NCOA4: variants seen among roughly 807,000 people sequenced by gnomAD.
The protein encoded by NCOA4 is nuclear receptor coactivator 4.
In NCOA4, 31 loss-of-function variants were observed where a neutral mutation model predicts 69.5. The ratio of observed to expected loss-of-function variants is 0.45; its 90% CI spans 0.34 to 0.60. The LOEUF is 0.60. Among genes scored for constraint, NCOA4 ranks in the 20% least tolerant of loss-of-function variants. The pLI, the probability that NCOA4 is intolerant of heterozygous loss-of-function variation, is 0.02. For missense variants in NCOA4, 600 were observed against 719.2 expected (o/e 0.83, Z 1.90); for synonymous variants, 228 against 252.4 (o/e 0.90, Z 0.92).
intron 1 of NCOA4, among the ~76,000 whole-genome samples, chr10:46,030,073 G>A (rs1426528698): frequency 6.6e-6 from 1 of 152,190 alleles, no homozygotes; most frequent in African/African-American, 2.4e-5. Flanking sequence ...ATTATGTTCT[G>A]TGCCCGTCCG....
intron 1 of NCOA4, among the ~76,000 whole-genome samples, chr10:46,028,874 T>C (rs1699207149): frequency 6.6e-6 from 1 of 152,026 alleles, no homozygotes; most frequent in South Asian, 2.1e-4. Context: ...GCAGCAGCAA[T>C]GACTGGCTCT....
At chr10:46,011,305 T>C in intron 7 of NCOA4, 99 bp from the exon 8 acceptor site, 2 of 1,258,132 alleles carry the variant, frequency 1.6e-6, no homozygotes, top group Non-Finnish European at 2.2e-6. Flanking sequence ...TCTCACTCTG[T>C]CGCCCAGGCT....
Position 46,006,052 on chromosome 10 carries a change from T to A in NCOA4, c.*540A>T, listed in dbSNP as rs1554919568. 1 of 205,990 alleles carries A rather than the reference T, an allele frequency of 4.9e-6. No individual in the cohort carries two copies. The highest frequency in any genetic ancestry group is 9.9e-6 in the Non-Finnish European group (1 of 100,800). 12.8% of individuals were successfully genotyped at this position (205,990 alleles called of 1,614,324 possible). A position where few individuals can be genotyped will look rare whatever the true frequency, so the allele number is the denominator to read the frequency against. ...TTAATGTCAAAAATTGCCAAGATTA[T>A]TAATATATATTTTGGTAATCACTAT... is the stretch of plus-strand genomic sequence containing the variant. On this transcript the variant is annotated 3_prime_UTR_variant, in exon 10 of 10. Coordinates refer to ENST00000581486, the MANE Select transcript of NCOA4 (RefSeq NM_001145263.2).
chr10:46,008,902 G>A (rs1839016354), intron 9 of NCOA4, among the ~76,000 whole-genome samples: 1 of 152,184 alleles, frequency 6.6e-6, no homozygotes. Context: ...ACAGCAAAAC[G>A]ATTATGTGTT....
chr10:46,022,457 G>A (rs909140516), intron 1 of NCOA4: 2 of 461,942 alleles, frequency 4.3e-6, no homozygotes, highest in Admixed American at 4.8e-5. Context: ...TTTTTTAAAG[G>A]TTGGTTTTGG....
At chr10:46,022,801 A>AT (rs1336620570) in intron 1 of NCOA4, among the ~76,000 whole-genome samples, 1 of 152,128 alleles carries the variant, frequency 6.6e-6, no homozygotes, top group Admixed American at 6.6e-5. Flanking sequence ...TAACTCAAGG[A>AT]TTATATACAT....
Position 46,015,109 on chromosome 10 carries a change from C to T in NCOA4, c.282+17G>A. 1 of 1,614,158 alleles carries T rather than the reference C, an allele frequency of 6.2e-7. No homozygotes were observed. Among genetic ancestry groups the T allele is most frequent in the South Asian group, 1.1e-5 (1 of 91,082 alleles). ...GAAGCCATGCTCAAACCAATTCTAG[C>T]CATGCAGTCACCTTACCGAGTAGAG... On this transcript the variant is annotated intron_variant, in intron 3 of 9. Coordinates refer to ENST00000581486, the MANE Select transcript of NCOA4 (RefSeq NM_001145263.2).
At chr10:46,027,268 CAA>C (rs34282889) in intron 1 of NCOA4, among the ~76,000 whole-genome samples, 8 of 79,702 alleles carry the variant, frequency 1.0e-4, no homozygotes, top group Middle Eastern at 6.8e-3. Context: ...GACTCCGTCT[CAA>C]AAAAAAAAAA....
rs71026287 is a variant in NCOA4 at position 46,007,581 on chromosome 10, C to CTTTTTTTTTTT, written c.1840-995_1840-985dup. On this transcript the variant is annotated intron_variant, in intron 9 of 9. Transcript: ENST00000581486. The stretch of plus-strand genomic sequence containing the variant: ...TTAGGGACTAACACAGCCAGTGACT[C>CTTTTTTTTTTT]TTTTTTTTTTTTTTTTTTTTTTTTT... Among the ~76,000 whole-genome samples the CTTTTTTTTTTT allele has an allele frequency of 1.8e-4, 15 of 85,486 alleles. 1 individual carries two copies. The highest frequency in any genetic ancestry group is 6.4e-4 in the African/African-American group (13 of 20,324). 56.1% of individuals were successfully genotyped at this position (85,486 alleles called of 152,430 possible). A position where few individuals can be genotyped will look rare whatever the true frequency, so the allele number is the denominator to read the frequency against.
intron 1 of NCOA4, among the ~76,000 whole-genome samples, chr10:46,021,480 C>T (rs1839865383): frequency 6.6e-6 from 1 of 152,190 alleles, no homozygotes; most frequent in Admixed American, 6.5e-5. Context: ...CCCAGATGAG[C>T]TTGTTCTTCC....
chr10:46,022,817 CT>C (rs1554924761), intron 1 of NCOA4, among the ~76,000 whole-genome samples: 1 of 152,168 alleles, frequency 6.6e-6, no homozygotes, highest in Non-Finnish European at 1.5e-5. Flanking sequence ...TACATCTTAC[CT>C]TAGCCCCAGC....
intron 9 of NCOA4, among the ~76,000 whole-genome samples, chr10:46,007,492 T>C (rs1838900621): frequency 6.6e-6 from 1 of 151,570 alleles, no homozygotes; most frequent in Admixed American, 6.6e-5. Context: ...GAAGTAGTCA[T>C]CTAGAACTGA....
intron 9 of NCOA4, chr10:46,009,041 T>A (rs1839026681): frequency 1.1e-5 from 9 of 844,260 alleles, no homozygotes; most frequent in Admixed American, 2.6e-5. Context: ...ACAACTTTTA[T>A]ATGCAATGGG....
chr10:46,024,130 G>A (rs1331389085), intron 1 of NCOA4, among the ~76,000 whole-genome samples: 1 of 152,044 alleles, frequency 6.6e-6, no homozygotes, highest in Non-Finnish European at 1.5e-5. Context: ...ACAATTTCTG[G>A]GACCCCAATC....
intron 9 of NCOA4, among the ~76,000 whole-genome samples, chr10:46,008,195 A>G (rs1327996150): frequency 8.5e-5 from 13 of 152,244 alleles, no homozygotes; most frequent in Non-Finnish European, 1.8e-4. Context: ...CTATGGATCA[A>G]AGAGTAATTT....
intron 1 of NCOA4, among the ~76,000 whole-genome samples, chr10:46,020,918 T>A (rs2132362352): frequency 6.6e-6 from 1 of 152,332 alleles, no homozygotes; most frequent in East Asian, 1.9e-4. Flanking sequence ...TGAGACAACA[T>A]TAAAAGTTTA....
rs577303916 is a variant in NCOA4 at position 46,020,235 on chromosome 10, G to C, written c.-14-3541C>G. 2.4e-3 allele frequency among the ~76,000 whole-genome samples: 372 copies of C among 152,272 alleles called. 1 individual carries two copies. The highest frequency in any genetic ancestry group is 7.9e-3 in the African/African-American group (327 of 41,564). On this transcript the variant is annotated intron_variant, in intron 1 of 9. Coordinates refer to ENST00000581486, the MANE Select transcript of NCOA4 (RefSeq NM_001145263.2). ...CCAGAGTAGCAAGCATGACCGTTAA[G>C]AGGTCACTCTGGAGTCTGACAAACC...
chr10:46,012,987 A>G lies in NCOA4; in HGVS notation c.610T>C (p.Trp204Arg), dbSNP rs1839326277. The G allele has an allele frequency of 3.7e-6, 6 of 1,614,058 alleles. No homozygotes were observed. Among genetic ancestry groups the G allele is most frequent in the Middle Eastern group, 1.6e-4 (1 of 6,078 alleles). ...SGIVAVPFSE[W>R]LLGSKPASGY... ...CTGGCAGGTTTGCTTCCAAGGAGCC[A>G]TTCGCTGAAAGGGACAGCTACAATA... Residue 204 changes from tryptophan (W) to arginine (R), a missense_variant, in exon 7 of 10, where the codon TGG becomes CGG. Coordinates refer to ENST00000581486, the MANE Select transcript of NCOA4 (RefSeq NM_001145263.2).
At chr10:46,019,769 C>T in intron 1 of NCOA4, among the ~76,000 whole-genome samples, 1 of 152,290 alleles carries the variant, frequency 6.6e-6, no homozygotes, top group East Asian at 1.9e-4. Flanking sequence ...TTAAAAGTTA[C>T]AAAACTGATT....
Sources: gnomAD v4.1 joint callset for allele counts (sites outside exome capture counted in the v4.1 genomes callset) on GRCh38, gnomAD v4.1.1 for gene constraint, MANE v1.5 for transcripts, NCBI Gene and HGNC (gene_info 2026-07-23, HGNC 2026-07-21) for gene names.